Variants in ATP5F1A observed in about 807,000 individuals in gnomAD.
The protein encoded by ATP5F1A is ATP synthase F(1) complex subunit alpha, mitochondrial.
Under a neutral mutation model 57.4 loss-of-function variants are expected in ATP5F1A, and 24 were observed. That is an observed-to-expected ratio of 0.42 (90% CI 0.30 to 0.59). ATP5F1A has a LOEUF of 0.59. Ranked by LOEUF, ATP5F1A falls within the 20% of genes least tolerant of loss-of-function variation. The pLI, the probability that ATP5F1A is intolerant of heterozygous loss-of-function variation, is 0.19. For synonymous variants in ATP5F1A, 251 were observed against 255.5 expected (o/e 0.98, Z 0.17); for missense variants, 494 against 707.9 (o/e 0.70, Z 3.43).
At chr18:46,103,892 CG>C (rs1568259821) in intron 1 of ATP5F1A, among the ~76,000 whole-genome samples, 1 of 151,252 alleles carries the variant, frequency 6.6e-6, no homozygotes, top group Non-Finnish European at 1.5e-5. Flanking sequence ...CCAGCCTGGG[CG>C]ACAAAGCGAG....
chr18:46,100,021 C>T (rs370337618), upstream of ATP5F1A, among the ~76,000 whole-genome samples: 72 of 151,714 alleles, frequency 4.7e-4, 2 homozygotes, highest in East Asian at 0.012. Context: ...GAGGCTGAGG[C>T]GGGTGGATCA....
chr18:46,088,954 A>G (rs1018329739), intron 5 of ATP5F1A, among the ~76,000 whole-genome samples: 1 of 151,898 alleles, frequency 6.6e-6, no homozygotes, highest in African/African-American at 2.4e-5. Context: ...GTTTGTGTAA[A>G]GTCAAACATA....
At chr18:46,098,718 G>C (rs1487294295), upstream of ATP5F1A, among the ~76,000 whole-genome samples, 3 of 152,152 alleles carry the variant, frequency 2.0e-5, no homozygotes, top group East Asian at 5.8e-4. Context: ...GCTAAACCCC[G>C]GGACTGGCCA....
intron 1 of ATP5F1A, among the ~76,000 whole-genome samples, chr18:46,096,710 G>A (rs1419585454): frequency 1.3e-5 from 2 of 151,794 alleles, no homozygotes; most frequent in East Asian, 1.9e-4. Context: ...GGCCGGGCAC[G>A]ACGGCTCATG....
chr18:46,080,775 C>T lies in ATP5F1A; in HGVS notation c.*3507G>A, dbSNP rs544051355. On this transcript the variant is annotated 3_prime_UTR_variant, in exon 12 of 12. Transcript: ENST00000398752. ...GCCACTGCGCCTGGGCTATCATATT[C>T]TTTAAAAATATCACATATTTTTAAA... 2 of 152,066 alleles carry T rather than the reference C, an allele frequency of 1.3e-5. No homozygotes were observed. Among genetic ancestry groups the T allele is most frequent in the South Asian group, 4.2e-4 (2 of 4,818 alleles). The allele number at this position is 152,066 out of a possible 1,614,324, so 9.4% of individuals were successfully genotyped here.
intron 2 of ATP5F1A, 55 bp downstream of exon 2, chr18:46,094,998 G>A (rs1393602822): frequency 7.1e-6 from 11 of 1,542,080 alleles, no homozygotes; most frequent in Middle Eastern, 1.8e-4. Context: ...TACGATGTAT[G>A]TAATTTATAT....
At chr18:46,096,982 C>CAAAAAAAAAAAAAAAAAAAAAAA (rs71160709) in intron 1 of ATP5F1A, among the ~76,000 whole-genome samples, 1 of 75,172 alleles carries the variant, frequency 1.3e-5, no homozygotes, top group African/African-American at 6.2e-5. Flanking sequence ...GACACCATCT[C>CAAAAAAAAAAAAAAAAAAAAAAA]AAAAAAAAAA....
At position 46,098,183 on chromosome 18, in the gene ATP5F1A, G is replaced by A. The variant is rs779078592; in HGVS notation, c.49C>T (p.Arg17Trp). Residue 17 changes from arginine to tryptophan, a missense_variant, in exon 1 of 12, where the codon CGG becomes TGG. Transcript: ENST00000398752. Reference protein sequence around the residue: ...AAAVVRALPRRAGLVSRNALG... With the variant: ...AAAVVRALPRWAGLVSRNALG... Reference sequence around the variant, plus strand: ...CCTTCGGTGCTCACCAGTCCGGCCCGCCGAGGAAGGGCGCGGACCACGGCC... The same window carrying A: ...CCTTCGGTGCTCACCAGTCCGGCCCACCGAGGAAGGGCGCGGACCACGGCC... 1 of 1,604,964 alleles carries A rather than the reference G, an allele frequency of 6.2e-7. No individual in the cohort carries two copies. The highest frequency in any genetic ancestry group is 1.7e-5 in the Admixed American group (1 of 59,884).
chr18:46,086,141 T>C lies in ATP5F1A; in HGVS notation c.1401A>G (p.Leu467=), dbSNP rs779503228. ...ACTGTCCTTGCTTCAGCAACTCAGT[T>C]AGACGCACGCCACGACTCAAAAGTT... ...TQQLLSRGVR[L]TELLKQGQYS... Residue 467 remains leucine (L), a synonymous_variant, in exon 10 of 12, where the codon CTA becomes CTG. Transcript: ENST00000398752. 1 of 1,612,168 alleles carries C rather than the reference T, an allele frequency of 6.2e-7. No homozygotes were observed. Among genetic ancestry groups the C allele is most frequent in the Non-Finnish European group, 8.5e-7 (1 of 1,180,004 alleles).
intron 1 of ATP5F1A, 32 bp downstream of exon 1, chr18:46,098,140 C>A: frequency 1.3e-6 from 2 of 1,587,614 alleles, no homozygotes; most frequent in Non-Finnish European, 1.7e-6. Flanking sequence ...CCCCACCCGG[C>A]CGCCTGCATC....
chr18:46,089,038 C>T (rs1017045290), intron 5 of ATP5F1A, among the ~76,000 whole-genome samples: 1 of 151,950 alleles, frequency 6.6e-6, no homozygotes, highest in Non-Finnish European at 1.5e-5. Flanking sequence ...CCTTTGCTCA[C>T]GTTTTCCTGC....
At chr18:46,101,672 A>C (rs1653105698), upstream of ATP5F1A, among the ~76,000 whole-genome samples, 1 of 152,048 alleles carries the variant, frequency 6.6e-6, no homozygotes, top group Admixed American at 6.6e-5. Flanking sequence ...AAGCAGGTTG[A>C]TCACTTGAAG....
intron 1 of ATP5F1A, among the ~76,000 whole-genome samples, chr18:46,096,370 C>A (rs1910951922): frequency 2.0e-5 from 3 of 151,714 alleles, no homozygotes. Context: ...CGTGGTGGCA[C>A]ATGCCTGTAA....
Position 46,089,861 on chromosome 18 carries a change from G to C in ATP5F1A, c.445C>G (p.Arg149Gly). The C allele has an allele frequency of 6.2e-7, 1 of 1,613,224 alleles. No homozygotes were observed. Among genetic ancestry groups the C allele is most frequent in the African/African-American group, 1.3e-5 (1 of 74,966 alleles). Residue 149 changes from arginine to glycine, a missense_variant, in exon 4 of 12, where the codon CGT becomes GGT. By Grantham distance (125) the Arg-to-Gly change is moderately radical (BLOSUM62 -2). Around this residue, in one of 6 missense-constraint regions of ATP5F1A, gnomAD observed 191 missense variants for 267.7 expected, o/e 0.71. Coordinates refer to ENST00000398752, the MANE Select transcript of ATP5F1A (RefSeq NM_004046.6). ...DVPVGEELLG[R>G]VVDALGNAID... ...GCATTACCAAGGGCATCAACTACAC[G>C]ACCCAACAGCTCCTCACCAACTGGA...
upstream of ATP5F1A, among the ~76,000 whole-genome samples, chr18:46,102,601 G>A (rs1341862864): frequency 1.3e-5 from 2 of 152,148 alleles, no homozygotes; most frequent in Admixed American, 6.5e-5. Context: ...TGAGAATATA[G>A]GTGTGAGGCA....
At chr18:46,097,917 G>A in intron 1 of ATP5F1A, 1 of 1,243,748 alleles carries the variant, frequency 8.0e-7, no homozygotes, top group Non-Finnish European at 1.0e-6. Flanking sequence ...GCTGTCAGCC[G>A]AAGACAGGAA....
At chr18:46,097,990 G>C (rs1911090491) in intron 1 of ATP5F1A, 182 bp downstream of exon 1, 1 of 1,411,816 alleles carries the variant, frequency 7.1e-7, no homozygotes, top group Non-Finnish European at 9.2e-7. Flanking sequence ...TTCTGCCTCT[G>C]CGCAGGTGAC....
chr18:46,087,209 A>G lies in ATP5F1A; in HGVS notation c.975T>C (p.Ser325=), dbSNP rs150293962. ...SKQAVAYRQM[S]LLLRRPPGRE... is the part of the protein sequence containing the mutation. ...GACCAGGGGGTCGGCGGAGCAACAGAGACATCTGACGGTAAGCAACAGCCT... is the reference window on the plus strand; with the variant it reads ...GACCAGGGGGTCGGCGGAGCAACAGGGACATCTGACGGTAAGCAACAGCCT... Residue 325 remains serine, a synonymous_variant, in exon 8 of 12, where the codon TCT becomes TCC. Coordinates refer to ENST00000398752, the MANE Select transcript of ATP5F1A (RefSeq NM_004046.6). The G allele has an allele frequency of 6.2e-7, 1 of 1,614,100 alleles. No homozygotes were observed. The highest frequency in any genetic ancestry group is 2.2e-5 in the East Asian group (1 of 44,902).
rs1292661880 is a variant in ATP5F1A at position 46,087,409 on chromosome 18, A to T, written c.883T>A (p.Ser295Thr). 1 of 1,614,212 alleles carries T rather than the reference A, an allele frequency of 6.2e-7. No homozygotes were observed. Among genetic ancestry groups the T allele is most frequent in the South Asian group, 1.1e-5 (1 of 91,080 alleles). ...TTGTCTCTAAAATACTCTCCCATGG[A>T]ACAGCCAGAGTAAGGAGCCAGGTAC... is the stretch of plus-strand genomic sequence containing the variant. ...LQYLAPYSGCSMGEYFRDNGK... is the reference protein window; with the variant it reads ...LQYLAPYSGCTMGEYFRDNGK... Residue 295 changes from serine (S) to threonine (T), a missense_variant, in exon 7 of 12, where the codon TCC (serine) becomes ACC (threonine). Physicochemically the swap from Ser to Thr is moderately conservative, Grantham distance 58. Coordinates refer to ENST00000398752, the MANE Select transcript of ATP5F1A (RefSeq NM_004046.6).
Sources: gnomAD v4.1 joint callset for allele counts (sites outside exome capture counted in the v4.1 genomes callset) on GRCh38, gnomAD v4.1.1 for gene constraint, gnomAD v4.1.1 regional missense constraint, MANE v1.5 for transcripts, NCBI Gene and HGNC (gene_info 2026-07-23, HGNC 2026-07-21) for gene names.